RNF157: variants seen among roughly 807,000 people sequenced by gnomAD.
RNF157 encodes ring finger protein 157, also known as E3 ubiquitin ligase RNF157.
In RNF157, 55 loss-of-function variants were observed where a neutral mutation model predicts 88.3. That is an observed-to-expected ratio of 0.62 (90% CI 0.50 to 0.78). RNF157 has a LOEUF of 0.78. Among genes scored for constraint, RNF157 ranks in the 30% least tolerant of loss-of-function variants. RNF157 has a pLI of 0.00. For missense variants in RNF157, 788 were observed against 860.8 expected, an observed-to-expected ratio of 0.92 and a Z score of 1.06; for synonymous variants, 334 against 341.2, an observed-to-expected ratio of 0.98 and a Z score of 0.23.
chr17:76,240,181 A>G lies in RNF157; in HGVS notation c.60T>C (p.Asn20=). The change falls in exon 1 of 19, where the codon AAT becomes AAC. Residue 20 remains asparagine (N), a synonymous_variant. Coordinates refer to ENST00000269391, the MANE Select transcript of RNF157 (RefSeq NM_052916.3). The surrounding 1 kb of genome is among the most constrained non-coding windows in gnomAD (Gnocchi z 4.4). ...AGVEEVDIPS[N]SVYRYPPKSG... is the part of the protein sequence containing the mutation. ...ACTTGGGCGGGTAGCGGTACACGGA[A>G]TTAGACGGGATGTCCACCTCCTCCA... 4 of 1,404,754 alleles carry G rather than the reference A, an allele frequency of 2.8e-6. No homozygotes were observed. Among genetic ancestry groups the G allele is most frequent in the Non-Finnish European group, 3.8e-6 (4 of 1,066,434 alleles). The allele number at this position is 1,404,754 out of a possible 1,614,324, so 87.0% of individuals were successfully genotyped here.
intron 2 of RNF157, among the ~76,000 whole-genome samples, chr17:76,207,256 C>CA (rs993569627): frequency 6.6e-5 from 10 of 152,002 alleles, no homozygotes; most frequent in African/African-American, 1.7e-4. Context: ...CCTGTCTCTA[C>CA]AAAAAAAATT....
At chr17:76,234,802 C>T (rs773713468) in intron 1 of RNF157, among the ~76,000 whole-genome samples, 2 of 152,168 alleles carry the variant, frequency 1.3e-5, no homozygotes, top group Non-Finnish European at 2.9e-5. Flanking sequence ...CTCCCATTCT[C>T]TGAGTTCTCT....
At chr17:76,163,110 A>G (rs1239685323) in intron 8 of RNF157, 1 of 153,404 alleles carries the variant, frequency 6.5e-6, no homozygotes, top group Non-Finnish European at 1.4e-5. Context: ...CTTGAGGGAG[A>G]GGCTAATGGT....
intron 1 of RNF157, among the ~76,000 whole-genome samples, chr17:76,230,179 A>G (rs1020061143): frequency 1.6e-4 from 25 of 152,216 alleles, no homozygotes; most frequent in African/African-American, 5.6e-4. Context: ...TTGGCAATCC[A>G]CAGAAACCTT....
chr17:76,234,917 A>C (rs1342892325), intron 1 of RNF157, among the ~76,000 whole-genome samples: 1 of 152,096 alleles, frequency 6.6e-6, no homozygotes, highest in Admixed American at 6.5e-5. Context: ...TGAAACCACT[A>C]TCCTTTCCCC....
chr17:76,164,637 A>T, intron 8 of RNF157, 111 bp downstream of exon 8: 3 of 542,168 alleles, frequency 5.5e-6, no homozygotes, highest in Non-Finnish European at 9.4e-6. Flanking sequence ...GGAAAAGGAG[A>T]GAGCAAAAAG....
intron 2 of RNF157, among the ~76,000 whole-genome samples, chr17:76,210,471 T>A (rs1373369890): frequency 1.3e-5 from 2 of 149,314 alleles, no homozygotes; most frequent in Admixed American, 1.3e-4. Flanking sequence ...GTGCCTGTAG[T>A]CCCAGCTACT....
At chr17:76,218,812 T>C (rs1255398592) in intron 1 of RNF157, among the ~76,000 whole-genome samples, 1 of 151,980 alleles carries the variant, frequency 6.6e-6, no homozygotes, top group Non-Finnish European at 1.5e-5. Flanking sequence ...CATGTGTCTG[T>C]AGTCCCAGCT....
At chr17:76,185,484 T>G (rs1054288966) in intron 2 of RNF157, among the ~76,000 whole-genome samples, 5 of 149,476 alleles carry the variant, frequency 3.3e-5, no homozygotes, top group Non-Finnish European at 7.4e-5. Context: ...TCTTTTTTTT[T>G]TTTGAGACGG....
chr17:76,180,839 C>T (rs1257901602), intron 2 of RNF157, among the ~76,000 whole-genome samples: 1 of 152,232 alleles, frequency 6.6e-6, no homozygotes, highest in Non-Finnish European at 1.5e-5. Context: ...ATCGTGCGGC[C>T]ATCACCGCCA....
chr17:76,193,224 G>T (rs529375531), intron 2 of RNF157, among the ~76,000 whole-genome samples: 5 of 152,132 alleles, frequency 3.3e-5, no homozygotes, highest in African/African-American at 1.2e-4. Context: ...ATCTCATAGG[G>T]TCATTAAGAT....
chr17:76,217,103 G>C, intron 1 of RNF157, among the ~76,000 whole-genome samples: 1 of 151,970 alleles, frequency 6.6e-6, no homozygotes. Flanking sequence ...TGGTTATTAA[G>C]GGGAAGACGC....
chr17:76,167,550 G>T (rs879078743), intron 4 of RNF157, 101 bp downstream of exon 4: 1 of 1,485,998 alleles, frequency 6.7e-7, no homozygotes, highest in Admixed American at 2.1e-5. Context: ...GAAGTGGCTC[G>T]CCTGGTCTCC....
At chr17:76,158,214 AAT>A (rs1332670940) in intron 13 of RNF157, among the ~76,000 whole-genome samples, 177 bp downstream of exon 13, 2 of 152,158 alleles carry the variant, frequency 1.3e-5, no homozygotes, top group African/African-American at 4.8e-5. Context: ...CCTGGCAAAT[AAT>A]ACAGGCTGCA....
intron 12 of RNF157, among the ~76,000 whole-genome samples, chr17:76,159,028 A>G (rs939261993): frequency 1.2e-4 from 18 of 152,140 alleles, no homozygotes; most frequent in African/African-American, 4.3e-4. Context: ...GGACTAAGCA[A>G]TGCTCCCAGG....
intron 1 of RNF157, among the ~76,000 whole-genome samples, chr17:76,221,508 G>A (rs2069982631): frequency 6.6e-6 from 1 of 152,274 alleles, no homozygotes; most frequent in African/African-American, 2.4e-5. Flanking sequence ...TATATTGTAA[G>A]GGGGGAAAGT....
At chr17:76,194,787 G>A (rs1262451949) in intron 2 of RNF157, among the ~76,000 whole-genome samples, 2 of 152,126 alleles carry the variant, frequency 1.3e-5, no homozygotes, top group Admixed American at 6.5e-5. Flanking sequence ...AGGCCAAGGT[G>A]GGCAGATCAC....
intron 1 of RNF157, among the ~76,000 whole-genome samples, chr17:76,238,891 A>G (rs907565066): frequency 1.3e-5 from 2 of 152,204 alleles, no homozygotes; most frequent in Non-Finnish European, 1.5e-5. Flanking sequence ...ATTCTTCACC[A>G]TATTCATCTT....
At chr17:76,191,081 T>A (rs775604197) in intron 2 of RNF157, among the ~76,000 whole-genome samples, 1 of 152,072 alleles carries the variant, frequency 6.6e-6, no homozygotes, top group Non-Finnish European at 1.5e-5. Flanking sequence ...CCTCTTGTGT[T>A]ACCAGCATTT....
Sources: gnomAD v4.1 joint callset for allele counts (sites outside exome capture counted in the v4.1 genomes callset) on GRCh38, gnomAD v4.1.1 for gene constraint, Gnocchi (gnomAD v3.1) non-coding constraint, MANE v1.5 for transcripts, NCBI Gene and HGNC (gene_info 2026-07-23, HGNC 2026-07-21) for gene names.